The following FAM53B variants were observed in gnomAD, a reference collection of about 807,000 sequenced individuals.
The protein encoded by FAM53B is protein FAM53B.
In FAM53B, 12 loss-of-function variants were observed where a neutral mutation model predicts 32.7. That is an observed-to-expected ratio of 0.37 (90% CI 0.24 to 0.59). FAM53B has a LOEUF of 0.59. FAM53B is among the 20% of genes least tolerant of loss of function. The pLI is 0.72. For synonymous variants in FAM53B, 234 were observed against 228.7 expected (o/e 1.02, Z -0.21); for missense variants, 477 against 577.7 (o/e 0.83, Z 1.79).
chr10:124,664,980 T>C lies in FAM53B; in HGVS notation c.906+16627A>G, dbSNP rs1013853571. ...AGGACAAACCTGACAAAGCTCCTTT[T>C]TCCCTGATGAACTTTCCCCTCCTGG... On this transcript the variant is annotated intron_variant, in intron 4 of 4. Coordinates refer to ENST00000337318, the MANE Select transcript of FAM53B (RefSeq NM_014661.4). Among the ~76,000 whole-genome samples, 16 of 152,326 alleles carry C rather than the reference T, an allele frequency of 1.1e-4. No individual in the cohort carries two copies. In the Middle Eastern group the frequency reaches 0.014, roughly 130 times the overall value.
chr10:124,637,899 G>A (rs1365622213), intron 4 of FAM53B, among the ~76,000 whole-genome samples: 7 of 152,192 alleles, frequency 4.6e-5, no homozygotes, highest in African/African-American at 7.2e-5. Flanking sequence ...GAGCCTCTCT[G>A]TGCAGGCAGA....
At chr10:124,727,643 C>T (rs1950115111) in intron 1 of FAM53B, among the ~76,000 whole-genome samples, 1 of 152,070 alleles carries the variant, frequency 6.6e-6, no homozygotes, top group African/African-American at 2.4e-5. Flanking sequence ...GCCAGAAAAT[C>T]TGAATCTGCC....
In FAM53B at chr10:124,687,279, G is replaced by GTGCCC. The variant is rs1485910304; in HGVS notation, c.134-4905_134-4901dup. ...TAGGCCTCCGAGAAGAGGATACAGG[G>GTGCCC]TGCCCCCGCCCCCTCCATTCAATAT... is the stretch of plus-strand genomic sequence containing the variant. On this transcript the variant is annotated intron_variant, in intron 3 of 4. Transcript: ENST00000337318. Among the ~76,000 whole-genome samples the GTGCCC allele has an allele frequency of 1.6e-4, 24 of 152,216 alleles. 1 individual carries two copies. In the South Asian group the frequency reaches 5.0e-3, roughly 32 times the overall value.
At chr10:124,625,422 C>A (rs867278276) in intron 4 of FAM53B, among the ~76,000 whole-genome samples, 2 of 152,192 alleles carry the variant, frequency 1.3e-5, no homozygotes, top group Admixed American at 1.3e-4. Flanking sequence ...ACAGGTCCAC[C>A]CTCTGGGCCA....
chr10:124,676,478 CAAGGA>C (rs931455344), intron 4 of FAM53B, among the ~76,000 whole-genome samples: 3 of 152,172 alleles, frequency 2.0e-5, no homozygotes, highest in Non-Finnish European at 4.4e-5. Flanking sequence ...GGAACTTGGC[CAAGGA>C]AAGGCACAGC....
intron 4 of FAM53B, among the ~76,000 whole-genome samples, chr10:124,666,895 G>C (rs1031538352): frequency 6.6e-6 from 1 of 152,228 alleles, no homozygotes; most frequent in African/African-American, 2.4e-5. Flanking sequence ...CTATACCCGA[G>C]GCAGAGGGCA....
At chr10:124,673,765 T>C (rs966495797) in intron 4 of FAM53B, among the ~76,000 whole-genome samples, 3 of 152,154 alleles carry the variant, frequency 2.0e-5, no homozygotes, top group African/African-American at 7.2e-5. Context: ...AGCCCCAGAC[T>C]CACCTAGGGA....
intron 1 of FAM53B, among the ~76,000 whole-genome samples, chr10:124,717,592 A>G (rs909970002): frequency 6.6e-6 from 1 of 152,228 alleles, no homozygotes; most frequent in African/African-American, 2.4e-5. Flanking sequence ...AGCAGGCCAC[A>G]GGGACTCTTC....
intron 2 of FAM53B, chr10:124,705,801 A>C (rs1329439177): frequency 6.6e-6 from 1 of 152,374 alleles, no homozygotes; most frequent in Non-Finnish European, 1.5e-5. Flanking sequence ...GGCATGAGCT[A>C]GGGGAAGGGG....
At position 124,667,375 on chromosome 10, in the gene FAM53B, C is replaced by T. The variant is rs776383408; in HGVS notation, c.906+14232G>A. The T allele has an allele frequency of 4.3e-5, 33 of 762,702 alleles. No individual in the cohort carries two copies. The African/African-American group carries it at 5.3e-4, about 12-fold the overall frequency. The allele number at this position is 762,702 out of a possible 1,614,324, so 47.2% of individuals were successfully genotyped here. A position where few individuals can be genotyped will look rare whatever the true frequency, so the allele number is the denominator to read the frequency against. On this transcript the variant is annotated intron_variant, in intron 4 of 4. Transcript: ENST00000337318. ...TGGACTGCTTCCTCTAAGACTCAGC[C>T]ACCGCCTGTAAAATGGATAACGATG... is the stretch of plus-strand genomic sequence containing the variant.
At chr10:124,690,192 T>C (rs755834338) in intron 3 of FAM53B, among the ~76,000 whole-genome samples, 8 of 152,358 alleles carry the variant, frequency 5.3e-5, no homozygotes, top group Non-Finnish European at 7.3e-5. Context: ...GCATATTTAC[T>C]GTTAATCAGC....
chr10:124,629,900 A>G (rs1949379642), intron 4 of FAM53B, among the ~76,000 whole-genome samples: 1 of 152,220 alleles, frequency 6.6e-6, no homozygotes, highest in South Asian at 2.1e-4. Context: ...CCCTGGGGCC[A>G]GAGGGGTCAG....
intron 4 of FAM53B, among the ~76,000 whole-genome samples, chr10:124,645,637 T>C (rs1589736071): frequency 1.3e-5 from 2 of 152,230 alleles, no homozygotes; most frequent in African/African-American, 2.4e-5. Context: ...CCTTTTCTTA[T>C]GGAAAGCAGC....
At chr10:124,696,455 G>C (rs974658531) in intron 2 of FAM53B, among the ~76,000 whole-genome samples, 24 of 152,218 alleles carry the variant, frequency 1.6e-4, no homozygotes, top group African/African-American at 5.3e-4. Flanking sequence ...AAAACACACA[G>C]AAAGCCCCAC....
chr10:124,680,289 C>T (rs1949761360), intron 4 of FAM53B, among the ~76,000 whole-genome samples: 1 of 152,226 alleles, frequency 6.6e-6, no homozygotes, highest in Non-Finnish European at 1.5e-5. Context: ...ACAGGGGAGG[C>T]ACAAGCATAC....
chr10:124,645,699 T>C (rs1459927736), intron 4 of FAM53B, among the ~76,000 whole-genome samples: 2 of 152,122 alleles, frequency 1.3e-5, no homozygotes, highest in Non-Finnish European at 2.9e-5. Flanking sequence ...CCTGGCCTCA[T>C]TCGAGGGGCT....
chr10:124,648,578 G>A (rs1023512724), intron 4 of FAM53B, among the ~76,000 whole-genome samples: 2 of 152,278 alleles, frequency 1.3e-5, no homozygotes, highest in Non-Finnish European at 2.9e-5. Flanking sequence ...GGCTTCACGA[G>A]GGAGAACCCA....
rs985843579 is a variant in FAM53B at position 124,744,144 on chromosome 10, G to C, written c.-306C>G. On this transcript the variant is annotated 5_prime_UTR_variant, in exon 1 of 5. Coordinates refer to ENST00000337318, the MANE Select transcript of FAM53B (RefSeq NM_014661.4). ...CCGGCGCCGAGCGCTTTGTACGAGCGACTCCCGGGGAGGAGGAAATCGACT... is the reference window on the plus strand; with the variant it reads ...CCGGCGCCGAGCGCTTTGTACGAGCCACTCCCGGGGAGGAGGAAATCGACT... 9 of 147,306 alleles carry C rather than the reference G, an allele frequency of 6.1e-5. No homozygotes were observed. Among genetic ancestry groups the C allele is most frequent in the African/African-American group, 1.2e-4 (5 of 41,122 alleles). 9.1% of individuals were successfully genotyped at this position (147,306 alleles called of 1,614,324 possible).
At chr10:124,636,159 T>A (rs1949430003) in intron 4 of FAM53B, among the ~76,000 whole-genome samples, 1 of 152,238 alleles carries the variant, frequency 6.6e-6, no homozygotes, top group Non-Finnish European at 1.5e-5. Context: ...GCCAAAATCC[T>A]ATTCACATGA....
Sources: allele counts gnomAD v4.1 joint callset (sites outside exome capture counted in the v4.1 genomes callset), GRCh38; gene constraint gnomAD v4.1.1; transcripts MANE v1.5; gene names NCBI Gene and HGNC (gene_info 2026-07-23, HGNC 2026-07-21).